The following ASAP1 variants were observed in gnomAD, a reference collection of about 807,000 sequenced individuals.
ASAP1 encodes ArfGAP with SH3 domain, ankyrin repeat and PH domain 1.
Under a neutral mutation model 145.2 loss-of-function variants are expected in ASAP1, and 43 were observed. The observed-to-expected ratio is 0.30, with a 90% CI of 0.23 to 0.38. The LOEUF (loss-of-function observed/expected upper bound fraction) is 0.38. Ranked by LOEUF, ASAP1 falls within the 10% of genes least tolerant of loss-of-function variation. The pLI is 1.00. For synonymous variants in ASAP1, 546 were observed against 515.5 expected, an observed-to-expected ratio of 1.06 and a Z score of -0.80; for missense variants, 1,018 against 1,355.3, an observed-to-expected ratio of 0.75 and a Z score of 3.91.
intron 3 of ASAP1, among the ~76,000 whole-genome samples, chr8:130,272,557 T>C (rs369657420): frequency 6.6e-6 from 1 of 152,204 alleles, no homozygotes; most frequent in Non-Finnish European, 1.5e-5. Flanking sequence ...CCCCCATGTT[T>C]ACTGCAGCAC....
chr8:130,328,025 T>C (rs1010348847), intron 3 of ASAP1, among the ~76,000 whole-genome samples: 1 of 151,868 alleles, frequency 6.6e-6, no homozygotes, highest in Non-Finnish European at 1.5e-5. Context: ...AAAAGAAAAA[T>C]ATATATATAC....
chr8:130,328,939 A>G (rs914576259), intron 3 of ASAP1, among the ~76,000 whole-genome samples: 1 of 152,086 alleles, frequency 6.6e-6, no homozygotes, highest in Non-Finnish European at 1.5e-5. Context: ...TATGGTTGTT[A>G]AAAGTCAGAC....
chr8:130,267,480 T>C (rs553885994), intron 3 of ASAP1, among the ~76,000 whole-genome samples: 1 of 152,120 alleles, frequency 6.6e-6, no homozygotes, highest in Admixed American at 6.5e-5. Flanking sequence ...AATAAGAATA[T>C]GATGATGATT....
intron 27 of ASAP1, among the ~76,000 whole-genome samples, chr8:130,072,822 T>TGCGCGCGCGCGCGCGCGC (rs1268452732): frequency 3.8e-5 from 1 of 26,036 alleles, no homozygotes; most frequent in African/African-American, 1.4e-4. Context: ...TGTGTGTGTG[T>TGCGCGCGCGCGCGCGCGC]GTGCGCGCGG....
intron 4 of ASAP1, among the ~76,000 whole-genome samples, chr8:130,215,790 T>C (rs1270839590): frequency 6.6e-6 from 1 of 151,944 alleles, no homozygotes; most frequent in African/African-American, 2.4e-5. Flanking sequence ...CTGGGTATTG[T>C]GGCATGCACC....
At chr8:130,081,191 C>T (rs2097479487) in intron 25 of ASAP1, among the ~76,000 whole-genome samples, 1 of 152,172 alleles carries the variant, frequency 6.6e-6, no homozygotes. Flanking sequence ...AGACATAGCA[C>T]CTGGACAGGT....
At chr8:130,061,998 A>C (rs1422388968) in intron 27 of ASAP1, among the ~76,000 whole-genome samples, 1 of 152,212 alleles carries the variant, frequency 6.6e-6, no homozygotes, top group Non-Finnish European at 1.5e-5. Context: ...TGATCTCTTA[A>C]AACCCTACTT....
At chr8:130,435,960 C>G (rs1052114056) in intron 1 of ASAP1, among the ~76,000 whole-genome samples, 2 of 152,212 alleles carry the variant, frequency 1.3e-5, no homozygotes, top group African/African-American at 4.8e-5. Context: ...TAATACTGCT[C>G]TGTGGAGACA....
At chr8:130,422,264 G>A (rs574156968) in intron 1 of ASAP1, among the ~76,000 whole-genome samples, 2 of 152,276 alleles carry the variant, frequency 1.3e-5, no homozygotes, top group East Asian at 3.9e-4. Flanking sequence ...AAGGGGGCGT[G>A]GAGATGAAGC....
At chr8:130,437,414 T>C (rs372460445) in intron 1 of ASAP1, among the ~76,000 whole-genome samples, 1 of 152,202 alleles carries the variant, frequency 6.6e-6, no homozygotes, top group African/African-American at 2.4e-5. Context: ...TCTTACATTA[T>C]CTCAGTTAAG....
intron 25 of ASAP1, chr8:130,084,031 G>A (rs919175067): frequency 1.3e-5 from 2 of 152,398 alleles, no homozygotes; most frequent in South Asian, 4.1e-4. Context: ...GACCTCGAGT[G>A]ATCCACCTGC....
intron 2 of ASAP1, among the ~76,000 whole-genome samples, chr8:130,400,682 T>G (rs1457392925): frequency 6.6e-6 from 1 of 151,568 alleles, no homozygotes; most frequent in Admixed American, 6.6e-5. Flanking sequence ...TCCCAGCTAC[T>G]TGGGAGGCTG....
At chr8:130,170,892 T>G (rs72722360) in intron 9 of ASAP1, among the ~76,000 whole-genome samples, 5,317 of 152,182 alleles carry the variant, frequency 0.035, 126 homozygotes, top group Middle Eastern at 0.065. Flanking sequence ...CTCATTTTTA[T>G]TTTTGTAAAG....
At chr8:130,424,072 TTA>T (rs1829823042) in intron 1 of ASAP1, among the ~76,000 whole-genome samples, 1 of 152,150 alleles carries the variant, frequency 6.6e-6, no homozygotes, top group African/African-American at 2.4e-5. Context: ...GGCATGTGAA[TTA>T]TATGTCAATA....
chr8:130,309,363 G>A lies in ASAP1; in HGVS notation c.186+48654C>T, dbSNP rs141688975. Among the ~76,000 whole-genome samples, 121 of 152,336 alleles carry A rather than the reference G, an allele frequency of 7.9e-4. 1 individual carries two copies. The highest frequency in any genetic ancestry group is 5.4e-3 in the South Asian group (26 of 4,826). On this transcript the variant is annotated intron_variant, in intron 3 of 29. Coordinates refer to ENST00000518721, the MANE Select transcript of ASAP1 (RefSeq NM_018482.4). Reference sequence around the variant, plus strand: ...ACTAACTCATCCTGACTAACAGAGAGGTGATGGGTGGCAAGGTATCAGAGA... The same window carrying A: ...ACTAACTCATCCTGACTAACAGAGAAGTGATGGGTGGCAAGGTATCAGAGA...
At chr8:130,226,853 T>C (rs1817615689) in intron 4 of ASAP1, among the ~76,000 whole-genome samples, 1 of 152,188 alleles carries the variant, frequency 6.6e-6, no homozygotes, top group Non-Finnish European at 1.5e-5. Context: ...CAATACACTT[T>C]GGTTTACTGA....
Position 130,186,257 on chromosome 8 carries a change from C to T in ASAP1, c.530+979G>A, listed in dbSNP as rs146666220. On this transcript the variant is annotated intron_variant, in intron 7 of 29. Transcript: ENST00000518721. ...TGCTGCATTTAGAACTGTCAATGTA[C>T]GGATATATTCCTAAGACAGCAAGTC... 4.3e-4 allele frequency among the ~76,000 whole-genome samples: 66 copies of T among 152,230 alleles called. 2 individuals are homozygous for T. In the East Asian group the frequency reaches 9.6e-3, roughly 22 times the overall value.
Position 130,273,412 on chromosome 8 carries a change from G to A in ASAP1, c.187-36418C>T, listed in dbSNP as rs528392326. On this transcript the variant is annotated intron_variant, in intron 3 of 29. Transcript: ENST00000518721. Reference sequence around the variant, plus strand: ...CAAGGTCTGCAGAAGGGGAAAGTAAGGAAGCAAAGTAGCAGGAGGCATCAG... The same window carrying A: ...CAAGGTCTGCAGAAGGGGAAAGTAAAGAAGCAAAGTAGCAGGAGGCATCAG... Among the ~76,000 whole-genome samples the A allele has an allele frequency of 5.3e-5, 8 of 152,162 alleles. No homozygotes were observed. In the South Asian group the frequency reaches 1.5e-3, roughly 28 times the overall value.
At chr8:130,306,133 A>T (rs759733768) in intron 3 of ASAP1, among the ~76,000 whole-genome samples, 9 of 152,228 alleles carry the variant, frequency 5.9e-5, no homozygotes, top group Admixed American at 1.3e-4. Context: ...TAAATTTTTC[A>T]TATAAAGAAT....
Sources: gnomAD v4.1 joint callset for allele counts (sites outside exome capture counted in the v4.1 genomes callset) on GRCh38, gnomAD v4.1.1 for gene constraint, MANE v1.5 for transcripts, NCBI Gene and HGNC (gene_info 2026-07-23, HGNC 2026-07-21) for gene names.